CHD6: variants seen among roughly 807,000 people sequenced by gnomAD.
The protein encoded by CHD6 is ATP-dependent chromatin remodeler CHD6.
CHD6 carries 50 observed loss-of-function variants against 276.9 expected under a neutral mutation model. The ratio of observed to expected loss-of-function variants is 0.18; its 90% confidence interval spans 0.14 to 0.23. CHD6 has a LOEUF of 0.23. Among genes scored for constraint, CHD6 ranks in the 10% least tolerant of loss-of-function variants. CHD6 has a pLI of 1.00. For missense variants in CHD6, 2,564 were observed against 3,365.8 expected, an observed-to-expected ratio of 0.76 and a Z score of 5.89; for synonymous variants, 1,173 against 1,229.3, an observed-to-expected ratio of 0.95 and a Z score of 0.96.
intron 1 of CHD6, among the ~76,000 whole-genome samples, chr20:41,608,324 G>A (rs1298341530): frequency 6.6e-6 from 1 of 151,980 alleles, no homozygotes; most frequent in African/African-American, 2.4e-5. Context: ...TATGAGAGAG[G>A]GATGTGCCAA....
chr20:41,424,042 T>A (rs2047282224), intron 29 of CHD6, among the ~76,000 whole-genome samples: 1 of 151,798 alleles, frequency 6.6e-6, no homozygotes, highest in African/African-American at 2.4e-5. Flanking sequence ...TGAAGATTTT[T>A]AAAATACTAT....
At chr20:41,597,360 G>A (rs762786673) in intron 1 of CHD6, among the ~76,000 whole-genome samples, 1 of 152,092 alleles carries the variant, frequency 6.6e-6, no homozygotes, top group African/African-American at 2.4e-5. Context: ...CGGACCTCCC[G>A]ACATTTGAGA....
chr20:41,564,883 T>C (rs1023286042), intron 1 of CHD6, among the ~76,000 whole-genome samples: 1 of 152,152 alleles, frequency 6.6e-6, no homozygotes, highest in Admixed American at 6.5e-5. Flanking sequence ...GAATCTTCTA[T>C]GTAATGGGGA....
intron 16 of CHD6, among the ~76,000 whole-genome samples, chr20:41,481,544 G>A (rs1159696518): frequency 6.6e-6 from 1 of 151,868 alleles, no homozygotes; most frequent in Non-Finnish European, 1.5e-5. Flanking sequence ...AGATTAAGAA[G>A]TAAAAACAAT....
At chr20:41,613,617 C>G (rs1414404364) in intron 1 of CHD6, among the ~76,000 whole-genome samples, 1 of 152,246 alleles carries the variant, frequency 6.6e-6, no homozygotes, top group African/African-American at 2.4e-5. Context: ...AAGGCTGAGA[C>G]TGCTAAAGGA....
At chr20:41,587,272 T>A (rs1169532977) in intron 1 of CHD6, among the ~76,000 whole-genome samples, 1 of 152,228 alleles carries the variant, frequency 6.6e-6, no homozygotes, top group African/African-American at 2.4e-5. Flanking sequence ...AAGCATAGCC[T>A]TGTAATTGTT....
intron 36 of CHD6, among the ~76,000 whole-genome samples, chr20:41,406,913 G>C (rs532049324): frequency 6.6e-6 from 1 of 152,296 alleles, no homozygotes; most frequent in South Asian, 2.1e-4. Flanking sequence ...TCCCCTGCTG[G>C]CACCCTCCCT....
At position 41,417,327 on chromosome 20, in the gene CHD6, T is replaced by C. The variant is rs752629301; in HGVS notation, c.6150A>G (p.Glu2050=). ...CCGATGTTGAGCTCTTGCTCTCCTC[T>C]TCAGAGTACTTCCCTGGATAATCTG... ...HSQDYPGKYS[E]EESKSSTSGI... Residue 2050 remains glutamate, a synonymous_variant, in exon 32 of 37, where the codon GAA becomes GAG. Transcript: ENST00000373233. 9.9e-6 allele frequency: 16 copies of C among 1,613,770 alleles called. No individual in the cohort carries two copies. Among genetic ancestry groups the C allele is most frequent in the South Asian group, 2.2e-5 (2 of 91,014 alleles).
At chr20:41,511,086 A>C (rs1404020747) in intron 5 of CHD6, among the ~76,000 whole-genome samples, 2 of 152,242 alleles carry the variant, frequency 1.3e-5, no homozygotes, top group Admixed American at 6.5e-5. Context: ...TAGGGACAAT[A>C]GTCCCTGCTC....
intron 19 of CHD6, 113 bp downstream of exon 19, chr20:41,455,687 C>T: frequency 1.4e-6 from 1 of 712,536 alleles, no homozygotes; most frequent in South Asian, 2.7e-5. Flanking sequence ...AAATGTGCAG[C>T]CAATTTCTAG....
At chr20:41,503,908 T>C (rs921594745) in intron 5 of CHD6, among the ~76,000 whole-genome samples, 2 of 151,574 alleles carry the variant, frequency 1.3e-5, no homozygotes, top group African/African-American at 4.9e-5. Context: ...TGAAGCCCCA[T>C]CTCTACTAAA....
At chr20:41,431,161 G>A (rs1229068024) in intron 27 of CHD6, among the ~76,000 whole-genome samples, 1 of 152,132 alleles carries the variant, frequency 6.6e-6, no homozygotes, top group Non-Finnish European at 1.5e-5. Context: ...GTCAAGATGA[G>A]AACCTAACTT....
chr20:41,431,916 T>C (rs1046692593), intron 27 of CHD6, among the ~76,000 whole-genome samples: 8 of 151,876 alleles, frequency 5.3e-5, no homozygotes, highest in Non-Finnish European at 8.8e-5. Flanking sequence ...CCCAGCACTT[T>C]TGGAGGCCAA....
chr20:41,472,662 G>A (rs2043081837), intron 17 of CHD6, among the ~76,000 whole-genome samples: 1 of 152,082 alleles, frequency 6.6e-6, no homozygotes, highest in Non-Finnish European at 1.5e-5. Flanking sequence ...TTTGAAACAG[G>A]GTTGATGAAG....
chr20:41,545,168 A>G (rs548614504), intron 2 of CHD6, among the ~76,000 whole-genome samples: 1 of 152,194 alleles, frequency 6.6e-6, no homozygotes, highest in South Asian at 2.1e-4. Flanking sequence ...CCAGCAATAG[A>G]CACATTTAAC....
At chr20:41,456,134 G>C (rs1391833833) in intron 18 of CHD6, among the ~76,000 whole-genome samples, 155 bp from the exon 19 acceptor site, 2 of 152,108 alleles carry the variant, frequency 1.3e-5, no homozygotes, top group African/African-American at 4.8e-5. Context: ...TGAAATCCCA[G>C]ATGCGATACT....
chr20:41,602,333 AC>A (rs1485631434), intron 1 of CHD6, among the ~76,000 whole-genome samples: 4 of 152,148 alleles, frequency 2.6e-5, no homozygotes, highest in Non-Finnish European at 2.9e-5. Context: ...GGATGCTGGC[AC>A]CACAAACCAC....
chr20:41,435,979 A>AT (rs928491700), intron 27 of CHD6, among the ~76,000 whole-genome samples: 10 of 151,978 alleles, frequency 6.6e-5, no homozygotes, highest in African/African-American at 1.9e-4. Flanking sequence ...CTGATTTTTA[A>AT]TTTTTTTTAA....
chr20:41,544,944 G>C (rs1389163360), intron 2 of CHD6, among the ~76,000 whole-genome samples: 1 of 152,050 alleles, frequency 6.6e-6, no homozygotes, highest in Non-Finnish European at 1.5e-5. Flanking sequence ...GGGCCTCTGA[G>C]GTCGAGTTCA....
Sources: gnomAD v4.1 joint callset for allele counts (sites outside exome capture counted in the v4.1 genomes callset) on GRCh38, gnomAD v4.1.1 for gene constraint, MANE v1.5 for transcripts, NCBI Gene and HGNC (gene_info 2026-07-23, HGNC 2026-07-21) for gene names.